The following COL25A1 variants were observed in gnomAD, a reference collection of about 807,000 sequenced individuals.
COL25A1 encodes collagen alpha-1(XXV) chain.
A neutral mutation model predicts 128.4 loss-of-function variants in COL25A1; 103 were observed. The observed-to-expected ratio is 0.80, with a 90% CI of 0.68 to 0.94. The LOEUF is 0.94. Among genes scored for constraint, COL25A1 ranks in the 40% least tolerant of loss-of-function variants. The pLI is 0.00. For synonymous variants in COL25A1, 279 were observed against 277.2 expected (o/e 1.01, Z -0.06); for missense variants, 745 against 840.0 (o/e 0.89, Z 1.40).
At chr4:109,278,370 T>C (rs1723049237) in intron 3 of COL25A1, among the ~76,000 whole-genome samples, 1 of 152,206 alleles carries the variant, frequency 6.6e-6, no homozygotes, top group Non-Finnish European at 1.5e-5. Flanking sequence ...AAAAGAAATA[T>C]TTGGCAGTTT....
At chr4:109,207,326 G>A (rs1777091506) in intron 3 of COL25A1, among the ~76,000 whole-genome samples, 1 of 152,118 alleles carries the variant, frequency 6.6e-6, no homozygotes, top group Non-Finnish European at 1.5e-5. Context: ...GGGTGATGTG[G>A]AGGCGGGGGA....
chr4:109,054,857 T>C (rs1452627386), intron 3 of COL25A1, among the ~76,000 whole-genome samples: 4 of 152,104 alleles, frequency 2.6e-5, no homozygotes, highest in African/African-American at 9.7e-5. Flanking sequence ...AGGACAAATG[T>C]GTGCAAACCC....
chr4:108,832,973 T>TAATACATAAATAAATAAATA (rs1733327078), intron 31 of COL25A1, among the ~76,000 whole-genome samples: 1 of 106,110 alleles, frequency 9.4e-6, no homozygotes. Context: ...TCTCAAAAAA[T>TAATACATAAATAAATAAATA]AATAAATAAA....
intron 3 of COL25A1, among the ~76,000 whole-genome samples, chr4:109,197,343 A>ATATATAAAAATATATAATATATATAT (rs1776138543): frequency 7.6e-6 from 1 of 131,322 alleles, no homozygotes; most frequent in African/African-American, 2.9e-5. Flanking sequence ...TATATATATT[A>ATATATAAAAATATATAATATATATAT]TATATATATT....
chr4:109,267,378 C>G (rs1288504994), intron 3 of COL25A1, among the ~76,000 whole-genome samples: 4 of 152,158 alleles, frequency 2.6e-5, no homozygotes, highest in Non-Finnish European at 4.4e-5. Context: ...CATTTTCAAT[C>G]CAAAACATTA....
intron 36 of COL25A1, 86 bp downstream of exon 36, chr4:108,819,166 G>A (rs1244689942): frequency 2.9e-6 from 3 of 1,026,024 alleles, no homozygotes; most frequent in Non-Finnish European, 4.3e-6. Flanking sequence ...AGCTTGCCCA[G>A]AAAGCACCAC....
intron 9 of COL25A1, 57 bp downstream of exon 9, chr4:108,941,309 C>T: frequency 7.2e-7 from 1 of 1,391,670 alleles, no homozygotes; most frequent in Non-Finnish European, 1.0e-6. Flanking sequence ...GCAATAGGTA[C>T]ACAGAGCAAT....
Position 108,956,732 on chromosome 4 carries a change from C to G in COL25A1, c.493-15295G>C, listed in dbSNP as rs7680935. 7.9e-5 allele frequency among the ~76,000 whole-genome samples: 12 copies of G among 152,154 alleles called. No individual in the cohort carries two copies. The South Asian group carries it at 2.3e-3, about 29-fold the overall frequency. On this transcript the variant is annotated intron_variant, in intron 8 of 37. Transcript: ENST00000399132. Reference sequence around the variant, plus strand: ...CAATATATGTATTAATGAAACAGTCCTCTCAAACTTTGGGTGTGGGAATGA... The same window carrying G: ...CAATATATGTATTAATGAAACAGTCGTCTCAAACTTTGGGTGTGGGAATGA...
At chr4:108,935,475 T>C (rs913298871) in intron 11 of COL25A1, among the ~76,000 whole-genome samples, 2 of 152,202 alleles carry the variant, frequency 1.3e-5, no homozygotes, top group Admixed American at 6.5e-5. Flanking sequence ...AAAAGAATCG[T>C]ACATCTTTAA....
chr4:109,128,915 TATGTGA>T (rs2126065331), intron 3 of COL25A1, among the ~76,000 whole-genome samples: 1 of 152,278 alleles, frequency 6.6e-6, no homozygotes, highest in East Asian at 1.9e-4. Context: ...GTTATAACAA[TATGTGA>T]AACTGGGAAC....
At chr4:109,300,777 T>C in intron 2 of COL25A1, 125 bp from the exon 3 acceptor site, 1 of 663,286 alleles carries the variant, frequency 1.5e-6, no homozygotes, top group Non-Finnish European at 2.7e-6. Flanking sequence ...CATTTACATA[T>C]GTACTTGGAC....
chr4:108,877,892 G>C (rs1437118046), intron 19 of COL25A1, among the ~76,000 whole-genome samples: 16 of 152,166 alleles, frequency 1.1e-4, no homozygotes, highest in Admixed American at 1.0e-3. Context: ...TACATAGCAA[G>C]AAAGTATTTC....
At chr4:109,116,028 G>T (rs1470492826) in intron 3 of COL25A1, among the ~76,000 whole-genome samples, 1 of 152,028 alleles carries the variant, frequency 6.6e-6, no homozygotes, top group Non-Finnish European at 1.5e-5. Context: ...GGCAGATACA[G>T]AGAATCAAAA....
In COL25A1 at chr4:109,097,316, G is replaced by C. The variant is rs1218072585; in HGVS notation, c.368-47137C>G. On this transcript the variant is annotated intron_variant, in intron 3 of 37. Transcript: ENST00000399132. Reference sequence around the variant, plus strand: ...AGTGAGCCATGTTAATTAAAATTATGTTATCTGGCCGAGTATGGTGGCCTG... The same window carrying C: ...AGTGAGCCATGTTAATTAAAATTATCTTATCTGGCCGAGTATGGTGGCCTG... Among the ~76,000 whole-genome samples, 3 of 151,892 alleles carry C rather than the reference G, an allele frequency of 2.0e-5. No homozygotes were observed. In the East Asian group the frequency reaches 5.9e-4, roughly 30 times the overall value.
At chr4:109,173,214 T>C (rs1578352793) in intron 3 of COL25A1, among the ~76,000 whole-genome samples, 1 of 151,698 alleles carries the variant, frequency 6.6e-6, no homozygotes, top group South Asian at 2.1e-4. Context: ...GACCCCTGAA[T>C]AGCTAGGACT....
intron 3 of COL25A1, among the ~76,000 whole-genome samples, chr4:109,263,854 G>A (rs1476809671): frequency 2.0e-5 from 3 of 152,132 alleles, no homozygotes; most frequent in Non-Finnish European, 1.5e-5. Flanking sequence ...AAAACAAAAC[G>A]GCACACCTCC....
intron 3 of COL25A1, among the ~76,000 whole-genome samples, chr4:109,103,928 TAAAG>T (rs1050182840): frequency 2.9e-4 from 44 of 152,296 alleles, no homozygotes; most frequent in African/African-American, 8.4e-4. Context: ...TGAATACTGA[TAAAG>T]AAAAAGACTT....
intron 18 of COL25A1, among the ~76,000 whole-genome samples, chr4:108,887,794 G>A (rs773125085): frequency 1.3e-5 from 2 of 151,998 alleles, no homozygotes; most frequent in Non-Finnish European, 2.9e-5. Flanking sequence ...TAAACTATAC[G>A]AGATTATAGC....
intron 35 of COL25A1, chr4:108,819,738 C>T (rs1190991098): frequency 2.9e-6 from 2 of 688,558 alleles, no homozygotes; most frequent in Non-Finnish European, 4.1e-6. Flanking sequence ...TGTTACGGAT[C>T]CCTCCGGCTT....
Sources: allele counts gnomAD v4.1 joint callset (sites outside exome capture counted in the v4.1 genomes callset), GRCh38; gene constraint gnomAD v4.1.1; transcripts MANE v1.5; gene names NCBI Gene and HGNC (gene_info 2026-07-23, HGNC 2026-07-21).